TG: variants seen among roughly 807,000 people sequenced by gnomAD.
The protein encoded by TG is thyroid hormones.
Under a neutral mutation model 324.7 loss-of-function variants are expected in TG, and 270 were observed. The ratio of observed to expected loss-of-function variants is 0.83; its 90% CI spans 0.75 to 0.92. TG has a LOEUF of 0.92. Among genes scored for constraint, TG ranks in the 40% least tolerant of loss-of-function variants. The pLI is 0.00. For synonymous variants in TG, 1,401 were observed against 1,327.0 expected, an observed-to-expected ratio of 1.06 and a Z score of -1.21; for missense variants, 3,591 against 3,456.4, an observed-to-expected ratio of 1.04 and a Z score of -0.98.
chr8:132,958,311 G>T (rs953916677), intron 27 of TG, among the ~76,000 whole-genome samples: 7 of 151,968 alleles, frequency 4.6e-5, no homozygotes, highest in African/African-American at 1.7e-4. Flanking sequence ...TATATCTATA[G>T]CTCTCTCTAT....
At chr8:133,051,722 T>C (rs1840447667) in intron 41 of TG, among the ~76,000 whole-genome samples, 1 of 152,224 alleles carries the variant, frequency 6.6e-6, no homozygotes, top group African/African-American at 2.4e-5. Flanking sequence ...CTTCTATCCT[T>C]AGTGATTTGA....
At chr8:133,046,434 C>T (rs1218108745) in intron 41 of TG, 1 of 152,278 alleles carries the variant, frequency 6.6e-6, no homozygotes, top group Non-Finnish European at 1.5e-5. Context: ...TCACAGTGCT[C>T]TAGGCCTGCC....
intron 20 of TG, 112 bp from the exon 21 acceptor site, chr8:132,919,264 A>G: frequency 1.7e-6 from 2 of 1,164,034 alleles, no homozygotes; most frequent in Non-Finnish European, 2.5e-6. Flanking sequence ...CATTTGTTAA[A>G]TGAATGAGCT....
intron 23 of TG, among the ~76,000 whole-genome samples, 153 bp downstream of exon 23, chr8:132,929,345 A>G (rs554434720): frequency 5.9e-5 from 9 of 152,370 alleles, no homozygotes; most frequent in African/African-American, 2.2e-4. Flanking sequence ...TCCAGAATGC[A>G]TATTCAATTC....
Position 133,018,061 on chromosome 8 carries a change from C to T in TG, c.6782+64C>T. 1.1e-5 allele frequency: 16 copies of T among 1,495,984 alleles called. No homozygotes were observed. The South Asian group carries it at 1.6e-4, about 15-fold the overall frequency. 92.7% of individuals were successfully genotyped at this position (1,495,984 alleles called of 1,614,324 possible). A position where few individuals can be genotyped will look rare whatever the true frequency, so the allele number is the denominator to read the frequency against. ...AGAAATCTCCTCCATTCTAATCTAT[C>T]CAAATGGGACTCAGTAGCAGAGCAG... On this transcript the variant is annotated intron_variant, in intron 38 of 47. Coordinates refer to ENST00000220616, the MANE Select transcript of TG (RefSeq NM_003235.5).
At chr8:132,911,733 A>G (rs1042658408) in intron 19 of TG, among the ~76,000 whole-genome samples, 200 bp downstream of exon 19, 1 of 152,216 alleles carries the variant, frequency 6.6e-6, no homozygotes, top group African/African-American at 2.4e-5. Context: ...ATGTCAACAA[A>G]GAGCCTGGTT....
chr8:132,964,702 T>C lies in TG; in HGVS notation c.5548+1628T>C, dbSNP rs552414166. On this transcript the variant is annotated intron_variant, in intron 29 of 47. Transcript: ENST00000220616. ...CAGGTATAAGATGAAGTGGCTACAG[T>C]ATTCATTCTTTCATCCAACCAGACA... 8.0e-5 allele frequency: 47 copies of C among 586,762 alleles called. No individual in the cohort carries two copies. The South Asian group carries it at 9.5e-4, about 12-fold the overall frequency. The allele number at this position is 586,762 out of a possible 1,614,324, so 36.3% of individuals were successfully genotyped here.
At chr8:133,119,531 T>G (rs1476334473) in intron 45 of TG, among the ~76,000 whole-genome samples, 2 of 152,192 alleles carry the variant, frequency 1.3e-5, no homozygotes, top group Non-Finnish European at 2.9e-5. Flanking sequence ...GCACCTTCTT[T>G]CTGCATTCTC....
chr8:132,974,931 A>G (rs1587648856), intron 34 of TG, among the ~76,000 whole-genome samples: 1 of 152,074 alleles, frequency 6.6e-6, no homozygotes, highest in African/African-American at 2.4e-5. Context: ...GCTGGTGTCC[A>G]CCTTCAGCAT....
intron 44 of TG, 65 bp downstream of exon 44, chr8:133,113,668 T>C (rs370892953): frequency 4.5e-6 from 7 of 1,567,858 alleles, no homozygotes; most frequent in East Asian, 4.6e-5. Flanking sequence ...TCAGTTGGTG[T>C]TCAGGTCATG....
chr8:132,873,348 A>C (rs970687749), intron 5 of TG, 127 bp downstream of exon 5: 14 of 1,308,166 alleles, frequency 1.1e-5, no homozygotes, highest in African/African-American at 2.9e-5. Flanking sequence ...CCTCATTCTC[A>C]TGAGCTGTCC....
At chr8:132,957,164 T>C (rs1827004915) in intron 27 of TG, among the ~76,000 whole-genome samples, 1 of 152,190 alleles carries the variant, frequency 6.6e-6, no homozygotes, top group African/African-American at 2.4e-5. Flanking sequence ...CTTGTGGTGA[T>C]TGACAAAGGT....
chr8:133,125,256 A>G (rs1035255968), intron 45 of TG, among the ~76,000 whole-genome samples: 7 of 152,216 alleles, frequency 4.6e-5, no homozygotes, highest in East Asian at 3.8e-4. Context: ...AGAATAGACA[A>G]TACACACATC....
Position 133,094,030 on chromosome 8 carries a change from C to T in TG, c.7240-1014C>T, listed in dbSNP as rs1456389141. ...TCACCACCACTGCCTCCCCTGGTTACCCATGACTCTTCAGTGGGCAGCCAG... is the reference window on the plus strand; with the variant it reads ...TCACCACCACTGCCTCCCCTGGTTATCCATGACTCTTCAGTGGGCAGCCAG... On this transcript the variant is annotated intron_variant, in intron 41 of 47. Transcript: ENST00000220616. Among the ~76,000 whole-genome samples, 4 of 152,202 alleles carry T rather than the reference C, an allele frequency of 2.6e-5. No homozygotes were observed. In the East Asian group the frequency reaches 5.8e-4, roughly 22 times the overall value.
intron 36 of TG, among the ~76,000 whole-genome samples, chr8:133,012,665 A>G (rs1012694913): frequency 2.6e-5 from 4 of 152,348 alleles, no homozygotes; most frequent in East Asian, 3.9e-4. Context: ...CTGAGGTTCT[A>G]TGAATTCCAT....
chr8:132,892,738 T>A (rs761604468), intron 10 of TG, among the ~76,000 whole-genome samples: 1 of 150,262 alleles, frequency 6.7e-6, no homozygotes, highest in Non-Finnish European at 1.5e-5. Flanking sequence ...TCTATATGGG[T>A]GTATGGTGTG....
chr8:132,983,913 A>T (rs1291065894), intron 35 of TG, among the ~76,000 whole-genome samples: 4 of 152,210 alleles, frequency 2.6e-5, no homozygotes, highest in African/African-American at 9.7e-5. Flanking sequence ...GGTGCCCGGT[A>T]ACATAGCCTG....
At chr8:132,998,607 T>G (rs1833120219) in intron 35 of TG, among the ~76,000 whole-genome samples, 1 of 152,152 alleles carries the variant, frequency 6.6e-6, no homozygotes, top group Admixed American at 6.5e-5. Flanking sequence ...GATGAGCCAC[T>G]GAGGATGGAT....
At chr8:132,917,889 A>ATT (rs71299038) in intron 20 of TG, among the ~76,000 whole-genome samples, 15,000 of 138,766 alleles carry the variant, frequency 0.11, 1,044 homozygotes, top group African/African-American at 0.21. Context: ...GGTTTTTGCA[A>ATT]TTTTTTTTTT....
Sources: gnomAD v4.1 joint callset for allele counts (sites outside exome capture counted in the v4.1 genomes callset) on GRCh38, gnomAD v4.1.1 for gene constraint, MANE v1.5 for transcripts, NCBI Gene and HGNC (gene_info 2026-07-23, HGNC 2026-07-21) for gene names.